Variants in EXOSC8 observed in about 807,000 individuals in gnomAD.
The protein encoded by EXOSC8 is exosome complex component RRP43.
A neutral mutation model predicts 39.9 loss-of-function variants in EXOSC8; 37 were observed. The observed-to-expected ratio is 0.93, with a 90% CI of 0.71 to 1.22. The LOEUF (loss-of-function observed/expected upper bound fraction) is 1.22. Ranked by LOEUF, EXOSC8 falls within the 50% of genes most tolerant of loss-of-function variation. The pLI is 0.00. For missense variants in EXOSC8, 313 were observed against 326.6 expected (o/e 0.96, Z 0.32); for synonymous variants, 93 against 109.5 (o/e 0.85, Z 0.94).
Position 37,002,580 on chromosome 13 carries a change from T to C in EXOSC8, c.118+29T>C, listed in dbSNP as rs779997681. The C allele has an allele frequency of 2.4e-5, 35 of 1,454,194 alleles. No individual in the cohort carries two copies. In the East Asian group the frequency reaches 4.4e-4, roughly 18 times the overall value. 90.1% of individuals were successfully genotyped at this position (1,454,194 alleles called of 1,614,324 possible). ...AGGATGTATTTTCCACTTTCAACTG[T>C]ATGATATTCCCAAGTTTTAGTCTAT... On this transcript the variant is annotated intron_variant, in intron 3 of 10. Transcript: ENST00000389704.
At chr13:37,002,360 A>G in intron 2 of EXOSC8, 51 bp downstream of exon 2, 1 of 1,496,182 alleles carries the variant, frequency 6.7e-7, no homozygotes. Context: ...AGCTGCTTTT[A>G]AAGATGAATT....
chr13:37,004,429 A>G, intron 4 of EXOSC8, 87 bp from the exon 5 acceptor site: 1 of 881,140 alleles, frequency 1.1e-6, no homozygotes, highest in Non-Finnish European at 1.9e-6. Flanking sequence ...CTGATATTTG[A>G]TAGAGCCTTC....
chr13:37,001,159 C>T (rs1450057029), intron 1 of EXOSC8, among the ~76,000 whole-genome samples: 1 of 152,172 alleles, frequency 6.6e-6, no homozygotes, highest in Non-Finnish European at 1.5e-5. Flanking sequence ...CCTGTAATCC[C>T]AGCACTTTGG....
chr13:37,007,189 A>G (rs1165744751), intron 8 of EXOSC8, 118 bp downstream of exon 8: 5 of 710,318 alleles, frequency 7.0e-6, no homozygotes, highest in African/African-American at 1.8e-5. Context: ...TAATGCTGAC[A>G]TGACTTTCCA....
Position 37,008,586 on chromosome 13 carries a change from C to G in EXOSC8, c.609-143C>G, listed in dbSNP as rs371072457. 7.2e-5 allele frequency: 43 copies of G among 599,358 alleles called. 1 individual carries two copies. Among genetic ancestry groups the G allele is most frequent in the African/African-American group, 6.2e-4 (33 of 53,150 alleles). The allele number at this position is 599,358 out of a possible 1,614,324, so 37.1% of individuals were successfully genotyped here. ...CCTGGCCAACATGTTGAAACCCTGTCTCTACTAAAAACACAAAAATTAGCT... is the reference window on the plus strand; with the variant it reads ...CCTGGCCAACATGTTGAAACCCTGTGTCTACTAAAAACACAAAAATTAGCT... On this transcript the variant is annotated intron_variant, in intron 9 of 10. Coordinates refer to ENST00000389704, the MANE Select transcript of EXOSC8 (RefSeq NM_181503.3).
In EXOSC8 at chr13:37,008,711, A is replaced by AT. The variant is rs1247292577; in HGVS notation, c.609-11dup. 1.3e-6 allele frequency: 2 copies of AT among 1,489,480 alleles called. No homozygotes were observed. Among genetic ancestry groups the AT allele is most frequent in the Non-Finnish European group, 9.3e-7 (1 of 1,073,086 alleles). The allele number at this position is 1,489,480 out of a possible 1,614,324, so 92.3% of individuals were successfully genotyped here. A position where few individuals can be genotyped will look rare whatever the true frequency, so the allele number is the denominator to read the frequency against. ...TTTGTTCCATGGATTGATAACTTAT[A>AT]TTTTTTTCTTTTTATAGCACTTTGC... is the stretch of plus-strand genomic sequence containing the variant. On this transcript the variant is annotated splice_polypyrimidine_tract_variant and intron_variant, in intron 9 of 10. Coordinates refer to ENST00000389704, the MANE Select transcript of EXOSC8 (RefSeq NM_181503.3).
chr13:37,006,774 G>A lies in EXOSC8; in HGVS notation c.391-201G>A, dbSNP rs1413429139. Among the ~76,000 whole-genome samples the A allele has an allele frequency of 1.3e-5, 2 of 152,234 alleles. 1 individual carries two copies. The highest frequency in any genetic ancestry group is 2.9e-5 in the Non-Finnish European group (2 of 68,042). On this transcript the variant is annotated intron_variant, in intron 7 of 10. Transcript: ENST00000389704. ...TCATTTGTCAGCCTGGCAATCAAAA[G>A]CCAGCTTTCACAAAACCTGTCCACT...
At chr13:37,008,673 T>A in intron 9 of EXOSC8, 56 bp from the exon 10 acceptor site, 1 of 1,123,750 alleles carries the variant, frequency 8.9e-7, no homozygotes, top group Non-Finnish European at 1.3e-6. Flanking sequence ...ATGTTTAGTA[T>A]TTTAAAGTAA....
intron 2 of EXOSC8, 71 bp downstream of exon 2, chr13:37,002,380 T>G (rs2059112238): frequency 2.1e-6 from 3 of 1,437,440 alleles, no homozygotes; most frequent in Non-Finnish European, 2.9e-6. Flanking sequence ...TTCAAGTAAT[T>G]TAAATTAATC....
At position 37,009,314 on chromosome 13, in the gene EXOSC8, T is replaced by A; in HGVS notation, c.*15T>A. Reference sequence around the variant, plus strand: ...AACCCAAATAAACAGCCACCACATTTTCAAAACAGATTTGTAAAAATTGTA... The same window carrying A: ...AACCCAAATAAACAGCCACCACATTATCAAAACAGATTTGTAAAAATTGTA... On this transcript the variant is annotated 3_prime_UTR_variant, in exon 11 of 11. Coordinates refer to ENST00000389704, the MANE Select transcript of EXOSC8 (RefSeq NM_181503.3). 3 of 1,415,580 alleles carry A rather than the reference T, an allele frequency of 2.1e-6. No individual in the cohort carries two copies. Among genetic ancestry groups the A allele is most frequent in the Non-Finnish European group, 3.0e-6 (3 of 1,004,642 alleles). The allele number at this position is 1,415,580 out of a possible 1,614,324, so 87.7% of individuals were successfully genotyped here.
At chr13:37,005,393 A>G (rs1566074936) in intron 5 of EXOSC8, among the ~76,000 whole-genome samples, 2 of 152,164 alleles carry the variant, frequency 1.3e-5, no homozygotes, top group Admixed American at 1.3e-4. Flanking sequence ...TAGATTTTTT[A>G]AAAAGGCATA....
intron 1 of EXOSC8, chr13:37,001,943 T>G (rs2059108595): frequency 4.9e-6 from 1 of 202,536 alleles, no homozygotes; most frequent in African/African-American, 2.3e-5. Flanking sequence ...ATCACTAGAT[T>G]ATTAAAATAA....
At chr13:37,007,107 C>A (rs1315218106) in intron 8 of EXOSC8, 36 bp downstream of exon 8, 11 of 1,270,252 alleles carry the variant, frequency 8.7e-6, no homozygotes, top group Admixed American at 1.7e-5. Flanking sequence ...TATTCCCACT[C>A]ATGGGTTAGA....
At chr13:37,008,655 C>A in intron 9 of EXOSC8, 74 bp from the exon 10 acceptor site, 1 of 909,632 alleles carries the variant, frequency 1.1e-6, no homozygotes. Context: ...ACTTGGGAGG[C>A]TGATAGTATG....
chr13:37,008,726 T>C lies in EXOSC8; in HGVS notation c.609-3T>C, dbSNP rs1017669677. 8 of 1,586,076 alleles carry C rather than the reference T, an allele frequency of 5.0e-6. 1 individual carries two copies. The highest frequency in any genetic ancestry group is 3.3e-4 in the Middle Eastern group (2 of 6,006). On this transcript the variant is annotated splice_polypyrimidine_tract_variant and splice_region_variant and intron_variant, in intron 9 of 10. Coordinates refer to ENST00000389704, the MANE Select transcript of EXOSC8 (RefSeq NM_181503.3). The stretch of plus-strand genomic sequence containing the variant: ...GATAACTTATATTTTTTTCTTTTTA[T>C]AGCACTTTGCTTATAGTTGACCCTA...
intron 4 of EXOSC8, chr13:37,003,375 T>C (rs191940285): frequency 1.5e-5 from 3 of 194,790 alleles, no homozygotes; most frequent in Non-Finnish European, 3.1e-5. Flanking sequence ...GAGGGAATAC[T>C]GGCTACCATT....
In EXOSC8 at chr13:37,009,492, AGTTT is replaced by A; in HGVS notation, c.*197_*200del. 1.2e-6 allele frequency: 1 copy of A among 860,914 alleles called. No homozygotes were observed. The highest frequency in any genetic ancestry group is 1.7e-5 in the African/African-American group (1 of 58,686). The allele number at this position is 860,914 out of a possible 1,614,324, so 53.3% of individuals were successfully genotyped here. On this transcript the variant is annotated 3_prime_UTR_variant, in exon 11 of 11. Coordinates refer to ENST00000389704, the MANE Select transcript of EXOSC8 (RefSeq NM_181503.3). ...GCAATGACTTAGGCAAACCAACCCT[AGTTT>A]GTTAAACCATTTCCCTGTTTTTATT...
At chr13:37,006,893 C>G (rs577056453) in intron 7 of EXOSC8, 82 bp from the exon 8 acceptor site, 218 of 821,610 alleles carry the variant, frequency 2.7e-4, no homozygotes, top group Non-Finnish European at 3.8e-4. Flanking sequence ...ACCAAGGGTT[C>G]TGTGGTTCTT....
chr13:37,007,114 T>G (rs1202153431), intron 8 of EXOSC8, 43 bp downstream of exon 8: 1 of 1,213,610 alleles, frequency 8.2e-7, no homozygotes, highest in South Asian at 1.2e-5. Context: ...ACTCATGGGT[T>G]AGAATGTTGT....
Sources: allele counts gnomAD v4.1 joint callset (sites outside exome capture counted in the v4.1 genomes callset), GRCh38; gene constraint gnomAD v4.1.1; transcripts MANE v1.5; gene names NCBI Gene and HGNC (gene_info 2026-07-23, HGNC 2026-07-21).